PIK3C2G: variants seen among roughly 807,000 people sequenced by gnomAD.
PIK3C2G encodes phosphatidylinositol-4-phosphate 3-kinase catalytic subunit type 2 gamma.
In PIK3C2G, 168 loss-of-function variants were observed where a neutral mutation model predicts 181.1. The ratio of observed to expected loss-of-function variants is 0.93; its 90% CI spans 0.82 to 1.05. PIK3C2G has a LOEUF of 1.05. PIK3C2G is among the 50% of genes least tolerant of loss of function. The pLI, the probability that PIK3C2G is intolerant of heterozygous loss-of-function variation, is 0.00. For synonymous variants in PIK3C2G, 573 were observed against 592.2 expected, an observed-to-expected ratio of 0.97 and a Z score of 0.47; for missense variants, 1,869 against 1,732.8, an observed-to-expected ratio of 1.08 and a Z score of -1.40.
the PIK3C2G span, chr12:18,723,581 TAAAA>T: frequency 1.5e-4 from 218 of 1,436,250 alleles, 1 homozygote; most frequent in East Asian, 3.8e-3. Context: ...ATTGTGAGTA[TAAAA>T]AATACATAAA....
chr12:18,702,005 T>A, the PIK3C2G span, among the ~76,000 whole-genome samples: 1 of 152,168 alleles, frequency 6.6e-6, no homozygotes, highest in Non-Finnish European at 1.5e-5. Flanking sequence ...GATTGAGACT[T>A]ACCATATGCC....
intron 11 of PIK3C2G, among the ~76,000 whole-genome samples, chr12:18,362,051 AGAAAC>A (rs886839235): frequency 6.6e-6 from 1 of 152,112 alleles, no homozygotes; most frequent in Admixed American, 6.5e-5. Flanking sequence ...CAGACAAGAC[AGAAAC>A]TAGTCCTTCT....
At chr12:18,372,690 G>A (rs1237707505) in intron 13 of PIK3C2G, 2 of 152,140 alleles carry the variant, frequency 1.3e-5, no homozygotes, top group Non-Finnish European at 2.9e-5. Flanking sequence ...CTCCCATCAT[G>A]TAACACACTA....
chr12:18,286,776 G>A, intron 2 of PIK3C2G, 71 bp from the exon 3 acceptor site: 2 of 852,436 alleles, frequency 2.3e-6, no homozygotes, highest in South Asian at 1.8e-5. Context: ...TTCAAAACAG[G>A]ATAAAATTGT....
intron 1 of PIK3C2G, among the ~76,000 whole-genome samples, chr12:18,264,843 A>C (rs951424743): frequency 9.2e-5 from 14 of 152,162 alleles, no homozygotes; most frequent in African/African-American, 3.4e-4. Flanking sequence ...CTCACAGTGC[A>C]TAGTGTCTTC....
chr12:18,496,262 G>C (rs1046847640), intron 21 of PIK3C2G, 108 bp downstream of exon 21: 11 of 687,680 alleles, frequency 1.6e-5, no homozygotes, highest in Non-Finnish European at 2.7e-5. Context: ...ACAACACATA[G>C]GTTTTTCAGT....
chr12:18,404,047 A>G (rs1944389820), intron 16 of PIK3C2G, among the ~76,000 whole-genome samples: 1 of 152,220 alleles, frequency 6.6e-6, no homozygotes, highest in Non-Finnish European at 1.5e-5. Context: ...GCCATCCCAC[A>G]TGATGTAAAA....
chr12:18,720,309 T>C, the PIK3C2G span, among the ~76,000 whole-genome samples: 1 of 151,910 alleles, frequency 6.6e-6, no homozygotes, highest in Non-Finnish European at 1.5e-5. Context: ...TGCTACAAAT[T>C]GTGCTGCCAA....
At chr12:18,390,976 A>G in intron 14 of PIK3C2G, 146 bp from the exon 15 acceptor site, 2 of 508,030 alleles carry the variant, frequency 3.9e-6, no homozygotes, top group Non-Finnish European at 6.0e-6. Context: ...TAATTATTTT[A>G]GAAATTATTT....
Position 18,362,878 on chromosome 12 carries a change from G to C in PIK3C2G, c.1740G>C (p.Trp580Cys). 6.7e-7 allele frequency: 1 copy of C among 1,501,790 alleles called. No homozygotes were observed. The allele number at this position is 1,501,790 out of a possible 1,614,324, so 93.0% of individuals were successfully genotyped here. Residue 580 changes from tryptophan (W) to cysteine (C), a missense_variant, in exon 12 of 33, where the codon TGG (tryptophan) becomes TGC (cysteine). Physicochemically the swap from Trp to Cys is radical, Grantham distance 215. Transcript: ENST00000538779. ...DKKLFFFLVN[W>C]NETINFPLEI... Reference sequence around the variant, plus strand: ...AATTATTTTTTTTCTTGGTCAACTGGAATGAAACGTAAGTTTAATCTTTAC... The same window carrying C: ...AATTATTTTTTTTCTTGGTCAACTGCAATGAAACGTAAGTTTAATCTTTAC...
intron 14 of PIK3C2G, among the ~76,000 whole-genome samples, chr12:18,384,088 C>A (rs538534788): frequency 1.4e-3 from 218 of 151,626 alleles, no homozygotes; most frequent in Admixed American, 5.2e-3. Flanking sequence ...TCCCAACGAG[C>A]TGGGATTACA....
intron 8 of PIK3C2G, among the ~76,000 whole-genome samples, chr12:18,337,149 A>G (rs1184646876): frequency 3.3e-5 from 5 of 152,196 alleles, no homozygotes. Context: ...AACGATAAAG[A>G]CAAAGAATAT....
chr12:18,293,236 T>G (rs955940136), intron 4 of PIK3C2G, among the ~76,000 whole-genome samples: 10 of 152,140 alleles, frequency 6.6e-5, no homozygotes, highest in Non-Finnish European at 1.0e-4. Flanking sequence ...TGTGCTATTA[T>G]AAATCCTATT....
the PIK3C2G span, among the ~76,000 whole-genome samples, chr12:18,680,882 A>G: frequency 6.6e-6 from 1 of 152,066 alleles, no homozygotes; most frequent in African/African-American, 2.4e-5. Flanking sequence ...GGTCAATTCT[A>G]TGATTGGAGT....
At chr12:18,292,074 A>G (rs1308112024) in intron 4 of PIK3C2G, among the ~76,000 whole-genome samples, 1 of 150,272 alleles carries the variant, frequency 6.7e-6, no homozygotes, top group South Asian at 2.1e-4. Flanking sequence ...GCCAGGTGTG[A>G]TGGCGCATGC....
the PIK3C2G span, among the ~76,000 whole-genome samples, chr12:18,678,994 C>T: frequency 2.6e-5 from 4 of 152,064 alleles, no homozygotes; most frequent in Non-Finnish European, 4.4e-5. Flanking sequence ...TCCACCTCAA[C>T]ATTTGGTGTG....
intron 29 of PIK3C2G, among the ~76,000 whole-genome samples, chr12:18,571,545 T>C (rs1231508751): frequency 6.6e-6 from 1 of 150,888 alleles, no homozygotes; most frequent in African/African-American, 2.5e-5. Context: ...ATCACTTACA[T>C]GGAGAATTGT....
chr12:18,708,109 G>T, the PIK3C2G span, among the ~76,000 whole-genome samples: 2 of 152,076 alleles, frequency 1.3e-5, no homozygotes, highest in Non-Finnish European at 2.9e-5. Context: ...TAGATGTCTA[G>T]ACTTTTTCAT....
chr12:18,360,617 G>T (rs565045156), intron 11 of PIK3C2G, among the ~76,000 whole-genome samples: 1 of 152,220 alleles, frequency 6.6e-6, no homozygotes, highest in East Asian at 1.9e-4. Context: ...CATCATTTTT[G>T]AAGGATGATT....
Sources: gnomAD v4.1 joint callset for allele counts (sites outside exome capture counted in the v4.1 genomes callset) on GRCh38, gnomAD v4.1.1 for gene constraint, MANE v1.5 for transcripts, NCBI Gene and HGNC (gene_info 2026-07-23, HGNC 2026-07-21) for gene names.